PGAP1: variants seen among roughly 807,000 people sequenced by gnomAD.
The protein encoded by PGAP1 is post-GPI attachment to proteins inositol deacylase 1.
In PGAP1, 76 loss-of-function variants were observed where a neutral mutation model predicts 127.0. That is an observed-to-expected ratio of 0.60 (90% CI 0.50 to 0.72). PGAP1 has a LOEUF of 0.72. PGAP1 is among the 30% of genes least tolerant of loss of function. The probability of loss-of-function intolerance (pLI) is 0.00; values close to 1 mark genes in which losing one functional copy is unlikely to be tolerated. For missense variants in PGAP1, 982 were observed against 1,071.3 expected (o/e 0.92, Z 1.16); for synonymous variants, 362 against 366.5 (o/e 0.99, Z 0.14).
chr2:196,895,151 G>A (rs1209243724), intron 7 of PGAP1, among the ~76,000 whole-genome samples: 1 of 151,962 alleles, frequency 6.6e-6, no homozygotes, highest in Non-Finnish European at 1.5e-5. Flanking sequence ...TTGATTCTTA[G>A]TAATATGGTT....
chr2:196,903,944 C>T (rs1466781191), intron 4 of PGAP1, among the ~76,000 whole-genome samples: 2 of 152,194 alleles, frequency 1.3e-5, no homozygotes. Flanking sequence ...GCAAGCTGCC[C>T]CCATTAAAGA....
intron 20 of PGAP1, among the ~76,000 whole-genome samples, chr2:196,864,529 T>TA (rs1701176064): frequency 6.6e-6 from 1 of 152,140 alleles, no homozygotes; most frequent in Non-Finnish European, 1.5e-5. Context: ...TGAAGATAAT[T>TA]ACACTGCTTG....
intron 7 of PGAP1, among the ~76,000 whole-genome samples, chr2:196,893,955 G>A (rs941145249): frequency 7.2e-5 from 11 of 152,150 alleles, no homozygotes; most frequent in African/African-American, 9.7e-5. Flanking sequence ...GAGCGAGAAC[G>A]GCAAAGAAGT....
intron 20 of PGAP1, among the ~76,000 whole-genome samples, chr2:196,850,508 G>A (rs1261801135): frequency 6.6e-6 from 1 of 152,126 alleles, no homozygotes; most frequent in Admixed American, 6.6e-5. Context: ...GAATTTTCTT[G>A]GGGATGTCTT....
chr2:196,916,337 T>C, intron 3 of PGAP1, 81 bp downstream of exon 3: 2 of 1,247,738 alleles, frequency 1.6e-6, no homozygotes, highest in East Asian at 2.7e-5. Context: ...AACAAATACA[T>C]GATTTAAAGT....
intron 3 of PGAP1, among the ~76,000 whole-genome samples, chr2:196,914,067 C>G (rs1184532379): frequency 6.6e-6 from 1 of 152,102 alleles, no homozygotes; most frequent in Non-Finnish European, 1.5e-5. Context: ...CCTTGGTGAT[C>G]TCCAATACAG....
chr2:196,885,334 G>C, intron 12 of PGAP1, 90 bp downstream of exon 12: 1 of 826,712 alleles, frequency 1.2e-6, no homozygotes, highest in South Asian at 2.1e-5. Context: ...TTAATACCAA[G>C]ATAAGCTAAT....
Position 196,897,175 on chromosome 2 carries a change from T to C in PGAP1, c.883A>G (p.Thr295Ala), listed in dbSNP as rs747630695. The change falls in exon 7 of 27, where the codon ACA (threonine) becomes GCA (alanine). Residue 295 changes from threonine (T) to alanine (A), a missense_variant. Physicochemically the swap from Thr to Ala is moderately conservative, Grantham distance 58. Coordinates refer to ENST00000354764, the MANE Select transcript of PGAP1 (RefSeq NM_024989.4). ...IVWCKQLQLT[T>A]VRAFFDLIDA... The stretch of plus-strand genomic sequence containing the variant: ...ATAAGATCAAAGAATGCTCGAACTG[T>C]AGTCAACTGCAATTGTTTACACCTA... 2 of 1,584,472 alleles carry C rather than the reference T, an allele frequency of 1.3e-6. No homozygotes were observed. Among genetic ancestry groups the C allele is most frequent in the Non-Finnish European group, 1.7e-6 (2 of 1,163,284 alleles).
chr2:196,914,806 CTTAA>C (rs1363829046), intron 3 of PGAP1, among the ~76,000 whole-genome samples: 1 of 150,156 alleles, frequency 6.7e-6, no homozygotes, highest in East Asian at 2.0e-4. Context: ...ATAGTCAATT[CTTAA>C]TTCTTTTTTT....
At chr2:196,857,727 C>T (rs1700930095) in intron 20 of PGAP1, among the ~76,000 whole-genome samples, 1 of 152,198 alleles carries the variant, frequency 6.6e-6, no homozygotes, top group South Asian at 2.1e-4. Flanking sequence ...ACACAAAAGA[C>T]TGCAACCTGG....
chr2:196,903,610 C>T (rs915572186), intron 4 of PGAP1, among the ~76,000 whole-genome samples: 3 of 150,662 alleles, frequency 2.0e-5, no homozygotes, highest in Non-Finnish European at 4.4e-5. Flanking sequence ...CAAATCTCTT[C>T]TGTGGCCAAC....
intron 19 of PGAP1, among the ~76,000 whole-genome samples, chr2:196,866,896 T>C (rs1379231179): frequency 2.0e-5 from 3 of 151,168 alleles, no homozygotes; most frequent in Non-Finnish European, 4.4e-5. Flanking sequence ...TTCAACATCG[T>C]CTGGTCATTA....
intron 10 of PGAP1, among the ~76,000 whole-genome samples, chr2:196,888,896 TCA>T (rs1339558849): frequency 1.3e-5 from 2 of 152,230 alleles, no homozygotes; most frequent in Non-Finnish European, 2.9e-5. Flanking sequence ...TTAAAATTTT[TCA>T]GTCAAAAAAA....
At chr2:196,844,597 T>C (rs1230827008) in intron 23 of PGAP1, 23 bp from the exon 24 acceptor site, 1 of 1,544,094 alleles carries the variant, frequency 6.5e-7, no homozygotes, top group South Asian at 1.2e-5. Context: ...AATTGCTCTT[T>C]AATTTTACTT....
intron 20 of PGAP1, among the ~76,000 whole-genome samples, chr2:196,848,995 G>A (rs984820644): frequency 1.3e-5 from 2 of 151,998 alleles, no homozygotes; most frequent in South Asian, 2.1e-4. Context: ...AATTATAGTC[G>A]TTCTAGTGGG....
Position 196,872,988 on chromosome 2 carries a change from AC to A in PGAP1, c.1590del (p.Trp530CysfsTer7). On this transcript the variant is annotated frameshift_variant, in exon 17 of 27. Transcript: ENST00000354764. LOFTEE classifies it high-confidence loss of function. ...GCAATGGTTAGTGAATCTTCATAAG[AC>A]CAAGGAATATGAAGTCTATAGATAC... Reference protein sequence around the residue: ...ITSIYRLHIPWSYEDSLTIAQ... With the variant: ...ITSIYRLHIPXSYEDSLTIAQ... The A allele has an allele frequency of 9.3e-7, 1 of 1,072,992 alleles. No homozygotes were observed. The highest frequency in any genetic ancestry group is 1.4e-6 in the Non-Finnish European group (1 of 729,558). The allele number at this position is 1,072,992 out of a possible 1,614,324, so 66.5% of individuals were successfully genotyped here.
At chr2:196,847,825 C>T in intron 21 of PGAP1, 122 bp downstream of exon 21, 1 of 627,662 alleles carries the variant, frequency 1.6e-6, no homozygotes, top group South Asian at 3.0e-5. Context: ...AAAAAAAAAC[C>T]TCATTTAATG....
intron 1 of PGAP1, among the ~76,000 whole-genome samples, chr2:196,926,139 G>T (rs1703352303): frequency 6.6e-6 from 1 of 152,126 alleles, no homozygotes; most frequent in Non-Finnish European, 1.5e-5. Flanking sequence ...GGCATGAGGG[G>T]GGCTGGGCCC....
chr2:196,847,252 G>A (rs750073685), intron 21 of PGAP1, 52 bp from the exon 22 acceptor site: 19 of 1,376,450 alleles, frequency 1.4e-5, no homozygotes, highest in Non-Finnish European at 1.9e-5. Context: ...TGAAATTTAA[G>A]GACTTAATAT....
Sources: gnomAD v4.1 joint callset for allele counts (sites outside exome capture counted in the v4.1 genomes callset) on GRCh38, gnomAD v4.1.1 for gene constraint, MANE v1.5 for transcripts, NCBI Gene and HGNC (gene_info 2026-07-23, HGNC 2026-07-21) for gene names.